CRPPA: variants seen among roughly 807,000 people sequenced by gnomAD.
CRPPA encodes D-ribitol-5-phosphate cytidylyltransferase.
Under a neutral mutation model 52.0 loss-of-function variants are expected in CRPPA, and 43 were observed. The ratio of observed to expected loss-of-function variants is 0.83; its 90% CI spans 0.65 to 1.07. CRPPA has a LOEUF of 1.07. Among genes scored for constraint, CRPPA ranks in the 50% least tolerant of loss-of-function variants. CRPPA has a pLI of 0.00. For synonymous variants in CRPPA, 250 were observed against 203.5 expected, an observed-to-expected ratio of 1.23 and a Z score of -1.94; for missense variants, 629 against 551.7, an observed-to-expected ratio of 1.14 and a Z score of -1.40.
chr7:16,135,564 G>C (rs1486145740), intron 9 of CRPPA, among the ~76,000 whole-genome samples: 4 of 151,974 alleles, frequency 2.6e-5, no homozygotes, highest in Non-Finnish European at 5.9e-5. Flanking sequence ...CTGATAAAAA[G>C]GCCAGAGGGA....
chr7:16,357,096 C>A (rs1786315099), intron 3 of CRPPA, among the ~76,000 whole-genome samples: 2 of 152,152 alleles, frequency 1.3e-5, no homozygotes. Flanking sequence ...GGATGCTTTC[C>A]CATGGGTCCC....
chr7:16,287,118 GT>G (rs541417046), intron 5 of CRPPA, among the ~76,000 whole-genome samples: 1 of 152,184 alleles, frequency 6.6e-6, no homozygotes, highest in South Asian at 2.1e-4. Flanking sequence ...CAATAAAGCA[GT>G]ATGAATTATT....
chr7:16,244,879 A>G (rs1442722092), intron 8 of CRPPA, among the ~76,000 whole-genome samples: 1 of 152,242 alleles, frequency 6.6e-6, no homozygotes, highest in Non-Finnish European at 1.5e-5. Context: ...ATATCTGTGG[A>G]ATCACATAAC....
At chr7:16,162,100 G>T (rs979838200) in intron 9 of CRPPA, among the ~76,000 whole-genome samples, 1 of 151,622 alleles carries the variant, frequency 6.6e-6, no homozygotes, top group Non-Finnish European at 1.5e-5. Context: ...TATGGCTACT[G>T]GTCTATTTTC....
intron 3 of CRPPA, among the ~76,000 whole-genome samples, chr7:16,352,415 A>T (rs939665979): frequency 1.1e-4 from 15 of 137,346 alleles, no homozygotes; most frequent in African/African-American, 4.0e-4. Flanking sequence ...TAAATACAAC[A>T]AAAAATTTAA....
intron 2 of CRPPA, among the ~76,000 whole-genome samples, chr7:16,401,183 C>G (rs1787808410): frequency 6.6e-6 from 1 of 152,206 alleles, no homozygotes; most frequent in African/African-American, 2.4e-5. Flanking sequence ...CATGTTTTCT[C>G]ATTAGCATAA....
intron 2 of CRPPA, among the ~76,000 whole-genome samples, chr7:16,404,002 C>T (rs965913623): frequency 6.6e-6 from 1 of 152,186 alleles, no homozygotes; most frequent in African/African-American, 2.4e-5. Context: ...TTCACTTCAA[C>T]ATACCTTTTT....
At chr7:16,116,675 A>AAGGAAAGGGAAGGGAAG (rs6150004) in intron 9 of CRPPA, among the ~76,000 whole-genome samples, 43 of 96,636 alleles carry the variant, frequency 4.4e-4, no homozygotes, top group Admixed American at 5.6e-4. Context: ...AAAAAAAAAA[A>AAGGAAAGGGAAGGGAAG]GGAAAGGAAA....
intron 5 of CRPPA, among the ~76,000 whole-genome samples, chr7:16,291,274 G>C (rs1411014983): frequency 1.3e-5 from 2 of 151,734 alleles, no homozygotes; most frequent in Non-Finnish European, 3.0e-5. Flanking sequence ...GCATATCAAA[G>C]GAATATATGT....
chr7:16,292,931 G>T (rs1017455271), intron 5 of CRPPA, among the ~76,000 whole-genome samples: 2 of 151,820 alleles, frequency 1.3e-5, no homozygotes, highest in Non-Finnish European at 2.9e-5. Flanking sequence ...ACAGAAAATG[G>T]ATGTAATCAG....
At chr7:16,159,305 C>T (rs976847708) in intron 9 of CRPPA, among the ~76,000 whole-genome samples, 9 of 152,092 alleles carry the variant, frequency 5.9e-5, no homozygotes, top group Non-Finnish European at 1.2e-4. Flanking sequence ...CCTGCCATAT[C>T]CTGGATAGCA....
chr7:16,111,534 C>A (rs1782264441), intron 9 of CRPPA, among the ~76,000 whole-genome samples: 1 of 152,202 alleles, frequency 6.6e-6, no homozygotes, highest in South Asian at 2.1e-4. Flanking sequence ...AAGAGTCCAT[C>A]AACAGATTTA....
chr7:16,254,496 C>A (rs1307320623), intron 8 of CRPPA, among the ~76,000 whole-genome samples: 1 of 151,856 alleles, frequency 6.6e-6, no homozygotes, highest in Non-Finnish European at 1.5e-5. Context: ...GGACAGAAAA[C>A]CAAATACTGC....
At chr7:16,099,373 A>C in intron 9 of CRPPA, among the ~76,000 whole-genome samples, 1 of 124,874 alleles carries the variant, frequency 8.0e-6, no homozygotes, top group African/African-American at 3.0e-5. Flanking sequence ...GTGTAGAGGA[A>C]GGCAGAGGGA....
intron 9 of CRPPA, among the ~76,000 whole-genome samples, chr7:16,185,148 C>G (rs1408435145): frequency 1.3e-5 from 2 of 152,194 alleles, no homozygotes; most frequent in Non-Finnish European, 2.9e-5. Flanking sequence ...ATTGGACTTA[C>G]AGTTCCACAT....
At chr7:16,357,122 CT>C (rs1163391977) in intron 3 of CRPPA, among the ~76,000 whole-genome samples, 2 of 152,076 alleles carry the variant, frequency 1.3e-5, no homozygotes. Flanking sequence ...ATATCGCCCC[CT>C]GTGTACACAG....
At chr7:16,267,965 G>A (rs754178208) in intron 6 of CRPPA, among the ~76,000 whole-genome samples, 6 of 152,034 alleles carry the variant, frequency 3.9e-5, no homozygotes, top group Admixed American at 6.6e-5. Flanking sequence ...ATATGTAAAC[G>A]TTATTTCATT....
In CRPPA at chr7:16,163,572, T is replaced by C. The variant is rs185319825; in HGVS notation, c.1251+52494A>G. Among the ~76,000 whole-genome samples, 407 of 152,328 alleles carry C rather than the reference T, an allele frequency of 2.7e-3. 1 individual carries two copies. Among genetic ancestry groups the C allele is most frequent in the African/African-American group, 9.2e-3 (383 of 41,560 alleles). ...ATCCTGTCATTATGATACTAGCTGG[T>C]TATTTTGCCCATTAGTTGATGCAGT... On this transcript the variant is annotated intron_variant, in intron 9 of 9. Transcript: ENST00000407010.
At chr7:16,194,633 G>C (rs536382701) in intron 9 of CRPPA, among the ~76,000 whole-genome samples, 1 of 152,192 alleles carries the variant, frequency 6.6e-6, no homozygotes, top group East Asian at 1.9e-4. Context: ...GTTTTATTTT[G>C]CTGTATTGCT....
Sources: gnomAD v4.1 joint callset for allele counts (sites outside exome capture counted in the v4.1 genomes callset) on GRCh38, gnomAD v4.1.1 for gene constraint, MANE v1.5 for transcripts, NCBI Gene and HGNC (gene_info 2026-07-23, HGNC 2026-07-21) for gene names.